The following PGM1 variants were observed in gnomAD, a reference collection of about 807,000 sequenced individuals.
PGM1 encodes phosphoglucomutase 1, also known as phosphoglucomutase-1.
Under a neutral mutation model 55.6 loss-of-function variants are expected in PGM1, and 52 were observed. The observed-to-expected ratio is 0.94, with a 90% CI of 0.75 to 1.18. The LOEUF (loss-of-function observed/expected upper bound fraction) is 1.18, where lower values mean the gene tolerates loss of function less well. PGM1 is among the 50% of genes most tolerant of loss of function. The pLI is 0.00. For synonymous variants in PGM1, 287 were observed against 271.7 expected (o/e 1.06, Z -0.55); for missense variants, 724 against 729.3 (o/e 0.99, Z 0.08).
At chr1:63,599,252 G>A (rs1041921626) in intron 1 of PGM1, among the ~76,000 whole-genome samples, 3 of 151,830 alleles carry the variant, frequency 2.0e-5, no homozygotes, top group Admixed American at 6.6e-5. Flanking sequence ...TGTAACCTCC[G>A]CCTCCTGGGT....
chr1:63,647,236 C>G (rs1396379658), intron 7 of PGM1, among the ~76,000 whole-genome samples: 1 of 130,338 alleles, frequency 7.7e-6, no homozygotes, highest in Non-Finnish European at 1.6e-5. Flanking sequence ...GAGCGAAACT[C>G]CGTCTCAAAA....
intron 8 of PGM1, 83 bp from the exon 9 acceptor site, chr1:63,651,586 A>G (rs1279807780): frequency 5.2e-6 from 7 of 1,347,948 alleles, no homozygotes; most frequent in African/African-American, 1.4e-5. Flanking sequence ...AGGGCCAAAC[A>G]AATGATGAAG....
chr1:63,657,568 A>G (rs1174606786), intron 10 of PGM1, among the ~76,000 whole-genome samples: 1 of 152,176 alleles, frequency 6.6e-6, no homozygotes. Context: ...TTGTTGTCCA[A>G]CGTATCTCTA....
intron 7 of PGM1, among the ~76,000 whole-genome samples, chr1:63,642,939 G>T (rs904306333): frequency 3.9e-5 from 6 of 152,122 alleles, no homozygotes; most frequent in Non-Finnish European, 8.8e-5. Context: ...GGGACACATG[G>T]TGAACAAGGC....
chr1:63,648,721 A>G (rs772231271), intron 8 of PGM1, 69 bp downstream of exon 8: 18 of 1,527,058 alleles, frequency 1.2e-5, no homozygotes, highest in South Asian at 9.0e-5. Context: ...TTGCGCATCC[A>G]CAGCCTCTCC....
intron 1 of PGM1, among the ~76,000 whole-genome samples, chr1:63,615,550 CTTTTTTTTTTTTTT>C (rs1161161385): frequency 4.3e-4 from 27 of 62,978 alleles, no homozygotes; most frequent in African/African-American, 6.1e-4. Context: ...TCTTCTTCTT[CTTTTTTTTTTTTTT>C]TTTTTTTTTT....
At chr1:63,652,832 C>T (rs1256952661) in intron 9 of PGM1, among the ~76,000 whole-genome samples, 1 of 152,158 alleles carries the variant, frequency 6.6e-6, no homozygotes, top group African/African-American at 2.4e-5. Context: ...CAACTTCTAG[C>T]ACAAGTGGTT....
rs748252747 is a variant in PGM1 at position 63,638,758 on chromosome 1, G to A, written c.1102G>A (p.Ala368Thr). The change falls in exon 7 of 11, where the codon GCG (alanine) becomes ACG (threonine). Residue 368 changes from alanine to threonine, a missense_variant. This residue lies in a region of PGM1 where 316 missense variants were observed against 313.1 expected (regional missense o/e 1.01). Transcript: ENST00000371084. The stretch of plus-strand genomic sequence containing the variant: ...GAAGTTTTTTGGGAATTTGATGGAC[G>A]CGAGCAAACTGTCCCTTTGTGGGGA... ...GWKFFGNLMD[A>T]SKLSLCGEES... The A allele has an allele frequency of 1.3e-5, 21 of 1,613,936 alleles. No individual in the cohort carries two copies. In the Admixed American group the frequency reaches 2.0e-4, roughly 15 times the overall value.
intron 10 of PGM1, among the ~76,000 whole-genome samples, chr1:63,657,270 T>G (rs1417256009): frequency 6.6e-6 from 1 of 152,212 alleles, no homozygotes; most frequent in Admixed American, 6.5e-5. Flanking sequence ...TGTTTTAAAT[T>G]CTATTCCTGC....
At chr1:63,632,198 A>T (rs1484014954) in intron 4 of PGM1, among the ~76,000 whole-genome samples, 2 of 151,980 alleles carry the variant, frequency 1.3e-5, no homozygotes, top group Non-Finnish European at 2.9e-5. Flanking sequence ...TCGTTTTCTT[A>T]GAAGAGGGCA....
At chr1:63,625,339 A>G (rs1490919607) in intron 1 of PGM1, among the ~76,000 whole-genome samples, 1 of 152,228 alleles carries the variant, frequency 6.6e-6, no homozygotes, top group Admixed American at 6.5e-5. Flanking sequence ...AATATTTTCA[A>G]GTCTTTTCAA....
intron 10 of PGM1, 89 bp downstream of exon 10, chr1:63,654,555 C>A: frequency 7.8e-7 from 1 of 1,288,964 alleles, no homozygotes; most frequent in Non-Finnish European, 1.1e-6. Context: ...GCCCATTTCT[C>A]AAATGACTCA....
chr1:63,641,047 C>A (rs747364342), intron 7 of PGM1, among the ~76,000 whole-genome samples: 2 of 152,184 alleles, frequency 1.3e-5, no homozygotes, highest in Non-Finnish European at 2.9e-5. Context: ...GGTAATTAAA[C>A]CCTTAAAGTT....
intron 7 of PGM1, 106 bp downstream of exon 7, chr1:63,638,906 C>T: frequency 2.4e-6 from 2 of 848,214 alleles, no homozygotes; most frequent in East Asian, 4.9e-5. Flanking sequence ...GCCGATGTGT[C>T]CTAAATCAAG....
intron 1 of PGM1, among the ~76,000 whole-genome samples, chr1:63,626,465 G>A (rs1649020122): frequency 6.6e-6 from 1 of 152,090 alleles, no homozygotes; most frequent in Admixed American, 6.6e-5. Flanking sequence ...AGCAGAATCA[G>A]ACAATCCTTG....
chr1:63,614,152 C>T (rs745810141), intron 1 of PGM1, among the ~76,000 whole-genome samples: 2 of 152,180 alleles, frequency 1.3e-5, no homozygotes, highest in Non-Finnish European at 2.9e-5. Context: ...CTCATATAGT[C>T]TTTTCAACAA....
rs367648776 is a variant in PGM1, at chr1:63,638,793, C to G, written c.1137C>G (p.Phe379Leu). Residue 379 changes from phenylalanine to leucine, a missense_variant, in exon 7 of 11, where the codon TTC becomes TTG. Phe to Leu is a conservative substitution (Grantham distance 22). Transcript: ENST00000371084. ...SKLSLCGEES[F>L]GTGSDHIREK... is the part of the protein sequence containing the mutation. ...TGTCCCTTTGTGGGGAGGAGAGCTT[C>G]GGGACCGGTAAGTCACACTCCTGTG... is the stretch of plus-strand genomic sequence containing the variant. 3 of 1,610,822 alleles carry G rather than the reference C, an allele frequency of 1.9e-6. No homozygotes were observed. The African/African-American group carries it at 4.0e-5, about 22-fold the overall frequency.
At chr1:63,638,637 A>T in intron 6 of PGM1, 48 bp from the exon 7 acceptor site, 2 of 1,272,896 alleles carry the variant, frequency 1.6e-6, no homozygotes, top group Non-Finnish European at 2.3e-6. Flanking sequence ...TCACATGGCC[A>T]CGCTAACAGT....
chr1:63,637,959 A>C (rs534533354), intron 6 of PGM1, among the ~76,000 whole-genome samples: 96 of 152,274 alleles, frequency 6.3e-4, no homozygotes, highest in South Asian at 3.9e-3. Context: ...TCGCTCAAAC[A>C]GTGAATGGAA....
Sources: allele counts gnomAD v4.1 joint callset (sites outside exome capture counted in the v4.1 genomes callset), GRCh38; gene constraint gnomAD v4.1.1; regional missense constraint gnomAD v4.1.1; transcripts MANE v1.5; gene names NCBI Gene and HGNC (gene_info 2026-07-23, HGNC 2026-07-21).